SEC11A: variants seen among roughly 807,000 people sequenced by gnomAD.
SEC11A encodes the protein SEC11 homolog A, signal peptidase complex subunit, also known as signal peptidase complex catalytic subunit SEC11A.
In SEC11A, 14 loss-of-function variants were observed where a neutral mutation model predicts 25.6. The ratio of observed to expected loss-of-function variants is 0.55; its 90% CI spans 0.36 to 0.85. The LOEUF (loss-of-function observed/expected upper bound fraction) is 0.85, where lower values mean the gene tolerates loss of function less well. SEC11A is among the 40% of genes least tolerant of loss of function. The pLI is 0.01. For missense variants in SEC11A, 153 were observed against 222.9 expected, an observed-to-expected ratio of 0.69 and a Z score of 2.00; for synonymous variants, 83 against 76.4, an observed-to-expected ratio of 1.09 and a Z score of -0.45.
intron 1 of SEC11A, among the ~76,000 whole-genome samples, chr15:84,706,617 A>G (rs548465518): frequency 1.3e-5 from 2 of 152,336 alleles, no homozygotes; most frequent in African/African-American, 4.8e-5. Context: ...TGATCATGTG[A>G]CCAATTACAG....
chr15:84,715,978 C>G lies in SEC11A; in HGVS notation c.51+47G>C, dbSNP rs773582069. 4.4e-6 allele frequency: 7 copies of G among 1,594,378 alleles called. No homozygotes were observed. The African/African-American group carries it at 9.4e-5, about 21-fold the overall frequency. ...CCGCCGGGCCCCGCAGCAGCAGCCT[C>G]GAAGGGACAAGAAGAGCCAGGAGAA... On this transcript the variant is annotated intron_variant, in intron 1 of 5. Transcript: ENST00000268220.
At chr15:84,685,047 C>G (rs1405355565) in intron 3 of SEC11A, among the ~76,000 whole-genome samples, 1 of 152,134 alleles carries the variant, frequency 6.6e-6, no homozygotes, top group Non-Finnish European at 1.5e-5. Context: ...GGTCTGTTAT[C>G]TACACAGGCC....
At chr15:84,680,225 C>G (rs1323102646) in intron 4 of SEC11A, among the ~76,000 whole-genome samples, 2 of 151,146 alleles carry the variant, frequency 1.3e-5, no homozygotes, top group African/African-American at 2.4e-5. Flanking sequence ...CGCTTGAACT[C>G]AGGAGGCGGA....
chr15:84,683,224 G>A (rs1446603325), intron 3 of SEC11A, among the ~76,000 whole-genome samples: 1 of 152,078 alleles, frequency 6.6e-6, no homozygotes, highest in African/African-American at 2.4e-5. Flanking sequence ...ACAGCAGGAA[G>A]GAAAACTGAA....
At chr15:84,713,524 T>C (rs575593795) in intron 1 of SEC11A, among the ~76,000 whole-genome samples, 17 of 152,210 alleles carry the variant, frequency 1.1e-4, no homozygotes, top group Non-Finnish European at 2.5e-4. Flanking sequence ...CAATCCCTCC[T>C]ATCCATTCCT....
At chr15:84,690,659 AG>A (rs1375124038) in intron 2 of SEC11A, among the ~76,000 whole-genome samples, 1 of 152,148 alleles carries the variant, frequency 6.6e-6, no homozygotes, top group Non-Finnish European at 1.5e-5. Flanking sequence ...AAGATAGGGA[AG>A]GAAGCAGAGT....
At chr15:84,705,597 GT>G (rs1368822131) in intron 1 of SEC11A, among the ~76,000 whole-genome samples, 1 of 152,018 alleles carries the variant, frequency 6.6e-6, no homozygotes, top group Admixed American at 6.6e-5. Context: ...GCTCACACCT[GT>G]AATCCCAGCA....
intron 1 of SEC11A, among the ~76,000 whole-genome samples, chr15:84,715,318 A>C (rs1040819618): frequency 6.6e-6 from 1 of 152,216 alleles, no homozygotes; most frequent in African/African-American, 2.4e-5. Context: ...TTACAACAAT[A>C]TTCTCAGTAC....
At chr15:84,679,131 T>G (rs1423008744) in intron 4 of SEC11A, 1 of 384,558 alleles carries the variant, frequency 2.6e-6, no homozygotes, top group Non-Finnish European at 4.5e-6. Context: ...TGCTTTTTGA[T>G]TATTGATATT....
rs78919548 is a variant in SEC11A, at chr15:84,692,312, G to A, written c.52-668C>T. ...CTCCTAAAGGGCTGGGATTACAGGCGTGAGTCACCACACCCGGCCCTCTAT... is the reference window on the plus strand; with the variant it reads ...CTCCTAAAGGGCTGGGATTACAGGCATGAGTCACCACACCCGGCCCTCTAT... On this transcript the variant is annotated intron_variant, in intron 1 of 5. Transcript: ENST00000268220. 8.9e-4 allele frequency among the ~76,000 whole-genome samples: 136 copies of A among 152,090 alleles called. 3 individuals carry two copies. The East Asian group carries it at 0.022, about 24-fold the overall frequency.
intron 3 of SEC11A, among the ~76,000 whole-genome samples, chr15:84,681,463 T>G (rs1567035544): frequency 1.3e-5 from 2 of 151,688 alleles, no homozygotes; most frequent in South Asian, 4.2e-4. Flanking sequence ...AACCCTGTCT[T>G]TACTAAAAAT....
chr15:84,675,823 T>G (rs1391119983), intron 4 of SEC11A, among the ~76,000 whole-genome samples: 1 of 152,232 alleles, frequency 6.6e-6, no homozygotes, highest in East Asian at 1.9e-4. Flanking sequence ...TTTCATTTTC[T>G]AAAATTGTTT....
intron 3 of SEC11A, chr15:84,686,672 A>C (rs1392236040): frequency 6.6e-6 from 1 of 152,416 alleles, no homozygotes; most frequent in Middle Eastern, 3.4e-3. Flanking sequence ...TGTGTGTCAT[A>C]CAGGATGCCT....
At position 84,670,784 on chromosome 15, in the gene SEC11A, T is replaced by C; in HGVS notation, c.432-2A>G. The C allele has an allele frequency of 7.0e-7, 1 of 1,419,700 alleles. No homozygotes were observed. The highest frequency in any genetic ancestry group is 9.6e-7 in the Non-Finnish European group (1 of 1,038,944). 87.9% of individuals were successfully genotyped at this position (1,419,700 alleles called of 1,614,324 possible). Reference sequence around the variant, plus strand: ...ACAATTCCAATATAAGGAACAAATCTAAAACAAACAAAAAACTGATTATCA... The same window carrying C: ...ACAATTCCAATATAAGGAACAAATCCAAAACAAACAAAAAACTGATTATCA... On this transcript the variant is annotated splice_acceptor_variant, in intron 4 of 5. Transcript: ENST00000268220. LOFTEE classifies it high-confidence loss of function.
At chr15:84,670,114 G>A in intron 5 of SEC11A, 45 bp from the exon 6 acceptor site, 1 of 1,591,820 alleles carries the variant, frequency 6.3e-7, no homozygotes, top group Non-Finnish European at 8.6e-7. Context: ...GCGTTGAAAA[G>A]TTCAGAGGTT....
At chr15:84,709,682 A>C (rs1898203365) in intron 1 of SEC11A, among the ~76,000 whole-genome samples, 1 of 152,002 alleles carries the variant, frequency 6.6e-6, no homozygotes, top group Admixed American at 6.6e-5. Flanking sequence ...ACCTCAAGTG[A>C]TCTGCCGGCC....
chr15:84,699,932 A>G (rs1897880139), intron 1 of SEC11A, among the ~76,000 whole-genome samples: 1 of 151,954 alleles, frequency 6.6e-6, no homozygotes, highest in African/African-American at 2.4e-5. Flanking sequence ...GCGTAAGAAT[A>G]GTTTGTTTCC....
At chr15:84,710,653 T>G (rs890445651) in intron 1 of SEC11A, among the ~76,000 whole-genome samples, 2 of 151,930 alleles carry the variant, frequency 1.3e-5, no homozygotes, top group African/African-American at 4.8e-5. Context: ...AAAAAGTGAT[T>G]GTTAAAATTT....
chr15:84,696,357 A>G (rs1355891014), intron 1 of SEC11A, among the ~76,000 whole-genome samples: 1 of 152,212 alleles, frequency 6.6e-6, no homozygotes, highest in African/African-American at 2.4e-5. Context: ...GGAGTGGGAC[A>G]TGATAGAAGT....
Sources: gnomAD v4.1 joint callset for allele counts (sites outside exome capture counted in the v4.1 genomes callset) on GRCh38, gnomAD v4.1.1 for gene constraint, MANE v1.5 for transcripts, NCBI Gene and HGNC (gene_info 2026-07-23, HGNC 2026-07-21) for gene names.